The following SRPK2 variants were observed in gnomAD, a reference collection of about 807,000 sequenced individuals.
SRPK2 encodes the protein SRSF protein kinase 2.
Under a neutral mutation model 90.8 loss-of-function variants are expected in SRPK2, and 21 were observed. The observed-to-expected ratio is 0.23, with a 90% CI of 0.16 to 0.33. The LOEUF is 0.33. Among genes scored for constraint, SRPK2 ranks in the 10% least tolerant of loss-of-function variants. The probability of loss-of-function intolerance (pLI) is 1.00; values close to 1 mark genes in which losing one functional copy is unlikely to be tolerated. For synonymous variants in SRPK2, 288 were observed against 311.1 expected, an observed-to-expected ratio of 0.93 and a Z score of 0.78; for missense variants, 620 against 869.0, an observed-to-expected ratio of 0.71 and a Z score of 3.60.
intron 3 of SRPK2, 61 bp downstream of exon 3, chr7:105,203,567 C>A (rs558912648): frequency 7.2e-7 from 1 of 1,391,880 alleles, no homozygotes; most frequent in African/African-American, 1.5e-5. Context: ...ATTCCCCCAA[C>A]AAATTACTAC....
upstream of SRPK2, chr7:105,388,928 C>A (rs2132868243): frequency 8.4e-7 from 1 of 1,192,580 alleles, no homozygotes; most frequent in Non-Finnish European, 1.0e-6. Context: ...GCCTGCGCCG[C>A]CGCCGCCGCC....
intron 15 of SRPK2, chr7:105,126,002 C>T: frequency 1.5e-6 from 1 of 651,210 alleles, no homozygotes; most frequent in Non-Finnish European, 2.6e-6. Flanking sequence ...AAGTACAGGC[C>T]TTCCTCGCGT....
intron 11 of SRPK2, among the ~76,000 whole-genome samples, chr7:105,138,436 T>A (rs917351557): frequency 6.6e-6 from 1 of 152,160 alleles, no homozygotes; most frequent in African/African-American, 2.4e-5. Context: ...TTGGATCATA[T>A]CCTAGATCAG....
intron 3 of SRPK2, among the ~76,000 whole-genome samples, chr7:105,196,828 T>C (rs1165692934): frequency 6.6e-6 from 1 of 152,138 alleles, no homozygotes; most frequent in Non-Finnish European, 1.5e-5. Flanking sequence ...GACAGGCGGA[T>C]CACTTGAGGT....
Position 105,169,206 on chromosome 7 carries a change from T to C in SRPK2, c.289A>G (p.Lys97Glu). ...LFNGRYHVIRKLGWGHFSTVW... is the reference protein window; with the variant it reads ...LFNGRYHVIRELGWGHFSTVW... Reference sequence around the variant, plus strand: ...GTAGAGAAGTGCCCCCATCCAAGCTTTCTAATAACATGATACCGGCCATTG... The same window carrying C: ...GTAGAGAAGTGCCCCCATCCAAGCTCTCTAATAACATGATACCGGCCATTG... The change falls in exon 4 of 16, where the codon AAG becomes GAG. Residue 97 changes from lysine to glutamate, a missense_variant. Around this residue, in one of 8 missense-constraint regions of SRPK2, gnomAD observed 196 missense variants for 339.2 expected, o/e 0.58. Transcript: ENST00000393651. The C allele has an allele frequency of 6.2e-7, 1 of 1,613,746 alleles. No homozygotes were observed. The highest frequency in any genetic ancestry group is 8.5e-7 in the Non-Finnish European group (1 of 1,179,930).
chr7:105,277,290 A>T (rs967431222), intron 2 of SRPK2, among the ~76,000 whole-genome samples: 1 of 152,052 alleles, frequency 6.6e-6, no homozygotes, highest in African/African-American at 2.4e-5. Flanking sequence ...GTTAGCCGGG[A>T]TGGTCTTGAT....
At chr7:105,310,386 T>A (rs1192990816) in intron 2 of SRPK2, among the ~76,000 whole-genome samples, 1 of 152,176 alleles carries the variant, frequency 6.6e-6, no homozygotes, top group African/African-American at 2.4e-5. Context: ...ATATTAAATG[T>A]AAAAAATATG....
intron 3 of SRPK2, chr7:105,189,851 T>C (rs927778846): frequency 6.6e-6 from 1 of 152,546 alleles, no homozygotes; most frequent in African/African-American, 2.4e-5. Context: ...TAACTCTTTT[T>C]ACAAATTTTT....
chr7:105,275,684 G>T (rs748624558), intron 2 of SRPK2, among the ~76,000 whole-genome samples: 42 of 152,178 alleles, frequency 2.8e-4, no homozygotes, highest in Admixed American at 3.9e-4. Context: ...CCCTGATGAG[G>T]AGTAGCAGAT....
At chr7:105,256,683 T>C (rs931740114) in intron 2 of SRPK2, among the ~76,000 whole-genome samples, 3 of 152,048 alleles carry the variant, frequency 2.0e-5, no homozygotes, top group African/African-American at 2.4e-5. Context: ...ATGAAGAGAT[T>C]TGACATAAAA....
rs1280270465 is a variant in SRPK2 at position 105,385,405 on chromosome 7, T to C, written c.71+3243A>G. On this transcript the variant is annotated intron_variant, in intron 2 of 15. Transcript: ENST00000393651. ...GTTAGCCAGGATGGTCTTGATCTCCTGACCTCGTGATCCGCCCGCCTCGGC... is the reference window on the plus strand; with the variant it reads ...GTTAGCCAGGATGGTCTTGATCTCCCGACCTCGTGATCCGCCCGCCTCGGC... 6.6e-5 allele frequency among the ~76,000 whole-genome samples: 10 copies of C among 151,594 alleles called. No homozygotes were observed. The East Asian group carries it at 1.4e-3, about 21-fold the overall frequency.
intron 2 of SRPK2, among the ~76,000 whole-genome samples, chr7:105,269,509 GCAGTA>G (rs1234523956): frequency 6.6e-6 from 1 of 152,072 alleles, no homozygotes; most frequent in African/African-American, 2.4e-5. Flanking sequence ...CTCCTCCTTA[GCAGTA>G]CAGTACAAGT....
At chr7:105,350,225 T>A (rs1454164133) in intron 2 of SRPK2, among the ~76,000 whole-genome samples, 3 of 131,736 alleles carry the variant, frequency 2.3e-5, no homozygotes, top group African/African-American at 8.4e-5. Context: ...CCGCCTCCCC[T>A]GTTTTAGGTA....
At chr7:105,365,948 G>A (rs1281309103) in intron 2 of SRPK2, among the ~76,000 whole-genome samples, 1 of 151,734 alleles carries the variant, frequency 6.6e-6, no homozygotes, top group Non-Finnish European at 1.5e-5. Context: ...GCTGCCTCCA[G>A]GGTTCAAGTG....
chr7:105,182,596 T>C (rs1362982436), intron 3 of SRPK2, among the ~76,000 whole-genome samples: 1 of 152,042 alleles, frequency 6.6e-6, no homozygotes, highest in Non-Finnish European at 1.5e-5. Flanking sequence ...GAATTACAGA[T>C]GTGCACCAAC....
intron 2 of SRPK2, among the ~76,000 whole-genome samples, chr7:105,370,997 A>G (rs1454374361): frequency 6.6e-6 from 1 of 152,190 alleles, no homozygotes; most frequent in Non-Finnish European, 1.5e-5. Context: ...TCAGTAACAA[A>G]ACATGGACAT....
chr7:105,285,201 C>G (rs1807902905), intron 2 of SRPK2, among the ~76,000 whole-genome samples: 1 of 151,898 alleles, frequency 6.6e-6, no homozygotes, highest in Admixed American at 6.6e-5. Flanking sequence ...GCCTGGGCAA[C>G]ATAGCGAAAC....
chr7:105,327,792 GTTTT>G (rs1813764246), intron 2 of SRPK2, among the ~76,000 whole-genome samples: 1 of 152,158 alleles, frequency 6.6e-6, no homozygotes, highest in African/African-American at 2.4e-5. Flanking sequence ...ATTTATAGGA[GTTTT>G]TTTGTTTTTG....
intron 3 of SRPK2, among the ~76,000 whole-genome samples, chr7:105,174,269 C>T (rs1305508869): frequency 6.6e-6 from 1 of 152,076 alleles, no homozygotes; most frequent in Non-Finnish European, 1.5e-5. Context: ...TTAAAACTCT[C>T]CTTTTTACCT....
Sources: gnomAD v4.1 joint callset for allele counts (sites outside exome capture counted in the v4.1 genomes callset) on GRCh38, gnomAD v4.1.1 for gene constraint, gnomAD v4.1.1 regional missense constraint, MANE v1.5 for transcripts, NCBI Gene and HGNC (gene_info 2026-07-23, HGNC 2026-07-21) for gene names.